FREM1: variants seen among roughly 807,000 people sequenced by gnomAD.
FREM1 encodes the protein FRAS1 related extracellular matrix 1, also known as FRAS1-related extracellular matrix protein 1.
In FREM1, 220 loss-of-function variants were observed where a neutral mutation model predicts 210.1. The observed-to-expected ratio is 1.05, with a 90% confidence interval of 0.94 to 1.17. The LOEUF (loss-of-function observed/expected upper bound fraction) is 1.17. Ranked by LOEUF, FREM1 falls within the 50% of genes most tolerant of loss-of-function variation. FREM1 has a pLI of 0.00. For synonymous variants in FREM1, 1,189 were observed against 980.2 expected (o/e 1.21, Z -3.98); for missense variants, 3,454 against 2,675.5 (o/e 1.29, Z -6.42).
chr9:14,747,092 T>G, intron 33 of FREM1, 41 bp from the exon 34 acceptor site: 1 of 1,612,206 alleles, frequency 6.2e-7, no homozygotes, highest in Non-Finnish European at 8.5e-7. Flanking sequence ...AGAATTGACT[T>G]AAGGAAAGTT....
At chr9:14,757,012 T>A (rs1204539318) in intron 28 of FREM1, among the ~76,000 whole-genome samples, 1 of 151,516 alleles carries the variant, frequency 6.6e-6, no homozygotes, top group Non-Finnish European at 1.5e-5. Context: ...GAAAGGAGAG[T>A]TTTGTGGAAC....
chr9:14,773,873 G>A (rs971689026), intron 25 of FREM1, among the ~76,000 whole-genome samples: 1 of 152,000 alleles, frequency 6.6e-6, no homozygotes, highest in South Asian at 2.1e-4. Context: ...TTTAGAATTC[G>A]TATGAATTTG....
At chr9:14,854,254 T>C (rs1370007250) in intron 5 of FREM1, among the ~76,000 whole-genome samples, 1 of 152,190 alleles carries the variant, frequency 6.6e-6, no homozygotes, top group Non-Finnish European at 1.5e-5. Flanking sequence ...ACAAATTTTT[T>C]TAATTAGCAA....
At chr9:14,795,929 C>A (rs948604563) in intron 21 of FREM1, among the ~76,000 whole-genome samples, 10 of 152,220 alleles carry the variant, frequency 6.6e-5, no homozygotes, top group African/African-American at 1.9e-4. Context: ...AAAATGAGAT[C>A]ATCAAAAAGG....
intron 10 of FREM1, among the ~76,000 whole-genome samples, chr9:14,835,674 T>TA (rs1054079604): frequency 4.6e-5 from 7 of 152,172 alleles, no homozygotes; most frequent in Non-Finnish European, 8.8e-5. Flanking sequence ...GGCTCGGCTT[T>TA]AAAAGTCTTA....
chr9:14,846,081 G>A lies in FREM1; in HGVS notation c.1272C>T (p.Leu424=). The A allele has an allele frequency of 3.2e-6, 5 of 1,577,094 alleles. No individual in the cohort carries two copies. The highest frequency in any genetic ancestry group is 4.3e-6 in the Non-Finnish European group (5 of 1,160,206). The part of the protein sequence containing the change: ...PRVSWNTGLS[L]LEGQSRAITW... ...TGATGGCTCGAGACTGCCCCTCAAGGAGACTCAGACCTATGAAAGAAAGGA... is the reference window on the plus strand; with the variant it reads ...TGATGGCTCGAGACTGCCCCTCAAGAAGACTCAGACCTATGAAAGAAAGGA... Residue 424 remains leucine (L), a synonymous_variant, in exon 8 of 37, where the codon CTC becomes CTT. Coordinates refer to ENST00000380880, the MANE Select transcript of FREM1 (RefSeq NM_001379081.2).
chr9:14,784,068 A>AACAG (rs1850032763), intron 24 of FREM1, among the ~76,000 whole-genome samples: 1 of 152,192 alleles, frequency 6.6e-6, no homozygotes, highest in Non-Finnish European at 1.5e-5. Flanking sequence ...ATTTTTCAAT[A>AACAG]ACAGGCCCTA....
chr9:14,897,767 A>AT (rs967290074), intron 1 of FREM1, among the ~76,000 whole-genome samples: 1 of 151,844 alleles, frequency 6.6e-6, no homozygotes, highest in Non-Finnish European at 1.5e-5. Flanking sequence ...ATTTAAAAAA[A>AT]TTTTTTTGTA....
At chr9:14,778,305 A>G (rs1201631057) in intron 24 of FREM1, among the ~76,000 whole-genome samples, 3 of 151,550 alleles carry the variant, frequency 2.0e-5, no homozygotes, top group Non-Finnish European at 4.4e-5. Context: ...ATAAAAATCA[A>G]TTATTTATTA....
intron 1 of FREM1, among the ~76,000 whole-genome samples, chr9:14,909,526 T>A (rs1179832532): frequency 1.3e-5 from 2 of 152,370 alleles, no homozygotes; most frequent in East Asian, 1.9e-4. Context: ...GTTTGTACCA[T>A]GAGGATATTA....
At chr9:14,841,906 C>T (rs1158718035) in intron 9 of FREM1, among the ~76,000 whole-genome samples, 1 of 152,192 alleles carries the variant, frequency 6.6e-6, no homozygotes, top group Non-Finnish European at 1.5e-5. Context: ...TTTTGTCAAA[C>T]TCCGGATCTA....
intron 28 of FREM1, among the ~76,000 whole-genome samples, chr9:14,758,711 T>A (rs1844883455): frequency 6.6e-6 from 1 of 152,052 alleles, no homozygotes; most frequent in African/African-American, 2.4e-5. Flanking sequence ...TACAGCTCAT[T>A]CTCCATCATT....
intron 1 of FREM1, among the ~76,000 whole-genome samples, chr9:14,898,672 G>C (rs747264124): frequency 6.6e-6 from 1 of 152,186 alleles, no homozygotes; most frequent in African/African-American, 2.4e-5. Context: ...AACCCAAGAG[G>C]CGGAGGTTGC....
intron 13 of FREM1, among the ~76,000 whole-genome samples, chr9:14,821,818 G>A (rs1821373440): frequency 6.6e-6 from 1 of 152,208 alleles, no homozygotes; most frequent in Non-Finnish European, 1.5e-5. Context: ...TATTAGATCT[G>A]CCAGAGTTTC....
chr9:14,895,014 C>A (rs1837459627), intron 1 of FREM1, among the ~76,000 whole-genome samples: 1 of 152,134 alleles, frequency 6.6e-6, no homozygotes, highest in African/African-American at 2.4e-5. Context: ...GGGTTCCTGA[C>A]CTGGTGGTAA....
At chr9:14,796,433 G>A (rs560196767) in intron 21 of FREM1, among the ~76,000 whole-genome samples, 7 of 152,166 alleles carry the variant, frequency 4.6e-5, no homozygotes, top group Non-Finnish European at 8.8e-5. Flanking sequence ...CTGTATAGCT[G>A]CCAATTGTAA....
intron 25 of FREM1, among the ~76,000 whole-genome samples, chr9:14,773,228 A>C (rs1847908997): frequency 6.6e-6 from 1 of 152,326 alleles, no homozygotes; most frequent in Admixed American, 6.5e-5. Context: ...AGGTTGCATC[A>C]GTTGCAATAA....
chr9:14,829,303 A>G (rs1379684240), intron 10 of FREM1, among the ~76,000 whole-genome samples: 1 of 152,178 alleles, frequency 6.6e-6, no homozygotes, highest in East Asian at 1.9e-4. Context: ...TGGAAAAGCT[A>G]TTAATTACTG....
At chr9:14,817,871 C>A (rs1334269149) in intron 14 of FREM1, among the ~76,000 whole-genome samples, 1 of 152,126 alleles carries the variant, frequency 6.6e-6, no homozygotes, top group Non-Finnish European at 1.5e-5. Flanking sequence ...ATGCTCCCTG[C>A]AATTTTCATC....
Sources: gnomAD v4.1 joint callset for allele counts (sites outside exome capture counted in the v4.1 genomes callset) on GRCh38, gnomAD v4.1.1 for gene constraint, MANE v1.5 for transcripts, NCBI Gene and HGNC (gene_info 2026-07-23, HGNC 2026-07-21) for gene names.